The following TMEM181 variants were observed in gnomAD, a reference collection of about 807,000 sequenced individuals.
The protein encoded by TMEM181 is G protein-coupled receptor 178.
In TMEM181, 39 loss-of-function variants were observed where a neutral mutation model predicts 71.9. That is an observed-to-expected ratio of 0.54 (90% CI 0.42 to 0.71). TMEM181 has a LOEUF of 0.71. Ranked by LOEUF, TMEM181 falls within the 30% of genes least tolerant of loss-of-function variation. The probability of loss-of-function intolerance (pLI) is 0.00; values close to 1 mark genes in which losing one functional copy is unlikely to be tolerated. For missense variants in TMEM181, 595 were observed against 583.0 expected (o/e 1.02, Z -0.21); for synonymous variants, 245 against 228.8 (o/e 1.07, Z -0.64).
chr6:158,585,413 C>A lies in TMEM181; in HGVS notation c.369C>A (p.Leu123=). ...HNKVHNRTRT[L]TCAGKCAEII... ...AAGTTCACAACCGGACAAGGACCCT[C>A]ACATGTGCAGGGGTGAGTGTGTGGG... is the stretch of plus-strand genomic sequence containing the variant. Residue 123 remains leucine (L), a synonymous_variant, in exon 5 of 17, where the codon CTC becomes CTA. Coordinates refer to ENST00000684151, the MANE Select transcript of TMEM181 (RefSeq NM_001376852.1). The A allele has an allele frequency of 2.5e-6, 4 of 1,608,496 alleles. No homozygotes were observed. Among genetic ancestry groups the A allele is most frequent in the Non-Finnish European group, 3.4e-6 (4 of 1,178,090 alleles).
intron 13 of TMEM181, chr6:158,626,504 C>T (rs16900886): frequency 0.31 from 142,683 of 456,218 alleles, 24,218 homozygotes; most frequent in East Asian, 0.67. Context: ...GGGAGGTCAA[C>T]CCTTGTCCAA....
At chr6:158,561,637 C>T (rs1782184474) in intron 1 of TMEM181, among the ~76,000 whole-genome samples, 1 of 152,120 alleles carries the variant, frequency 6.6e-6, no homozygotes, top group Non-Finnish European at 1.5e-5. Context: ...CTGCCAGGGT[C>T]CTGCGCTGTT....
At chr6:158,595,725 G>A (rs1325412817) in intron 6 of TMEM181, among the ~76,000 whole-genome samples, 5 of 152,076 alleles carry the variant, frequency 3.3e-5, no homozygotes, top group Non-Finnish European at 5.9e-5. Context: ...TACAAAGACA[G>A]GCAAAATGAA....
intron 6 of TMEM181, among the ~76,000 whole-genome samples, chr6:158,594,807 C>A (rs144388277): frequency 0.046 from 6,983 of 152,264 alleles, 354 homozygotes; most frequent in East Asian, 0.14. Flanking sequence ...CCTGCCTCAG[C>A]CTCCTGAGTA....
intron 10 of TMEM181, chr6:158,611,597 G>C: frequency 2.7e-6 from 1 of 374,390 alleles, no homozygotes; most frequent in Admixed American, 3.6e-5. Context: ...CTTCTAGAAA[G>C]GGATTGGTAG....
At chr6:158,567,210 T>A (rs907233654) in intron 1 of TMEM181, among the ~76,000 whole-genome samples, 9 of 152,190 alleles carry the variant, frequency 5.9e-5, no homozygotes, top group African/African-American at 2.2e-4. Context: ...GAAGAGGCAG[T>A]GTTGAGAGCC....
chr6:158,542,594 G>A (rs1002950441), intron 1 of TMEM181, among the ~76,000 whole-genome samples: 1 of 152,056 alleles, frequency 6.6e-6, no homozygotes, highest in Admixed American at 6.6e-5. Context: ...ATACAGCAGA[G>A]TGTGGGTTTC....
chr6:158,573,434 G>A lies in TMEM181; in HGVS notation c.23G>A (p.Arg8Gln), dbSNP rs758002281. The A allele has an allele frequency of 5.5e-5, 87 of 1,583,136 alleles. No individual in the cohort carries two copies. Among genetic ancestry groups the A allele is most frequent in the Admixed American group, 7.3e-5 (4 of 55,030 alleles). MEPLAPM[R>Q]LYTLSKRHFV... Reference sequence around the variant, plus strand: ...TCTGCCCCCAGGCTGGCGCCCATGCGGCTCTACACGCTCTCCAAGCGCCAC... The same window carrying A: ...TCTGCCCCCAGGCTGGCGCCCATGCAGCTCTACACGCTCTCCAAGCGCCAC... Residue 8 changes from arginine to glutamine, a missense_variant, in exon 2 of 17, where the codon CGG becomes CAG. By Grantham distance (43) the Arg-to-Gln change is conservative (BLOSUM62 1). Transcript: ENST00000684151.
intron 1 of TMEM181, among the ~76,000 whole-genome samples, chr6:158,555,078 A>G (rs1483502075): frequency 5.3e-5 from 8 of 152,246 alleles, no homozygotes; most frequent in Non-Finnish European, 5.9e-5. Flanking sequence ...AAACTCTCCA[A>G]AGAGCCTTGA....
intron 1 of TMEM181, among the ~76,000 whole-genome samples, chr6:158,562,289 C>G (rs911567321): frequency 6.6e-6 from 1 of 152,146 alleles, no homozygotes; most frequent in Non-Finnish European, 1.5e-5. Context: ...ATGCTAGGGA[C>G]GGGAGAGGTG....
chr6:158,549,096 A>C (rs1781635949), intron 1 of TMEM181, among the ~76,000 whole-genome samples: 2 of 148,514 alleles, frequency 1.3e-5, no homozygotes. Context: ...AAATGAGGGA[A>C]AATGTGCACA....
intron 8 of TMEM181, among the ~76,000 whole-genome samples, chr6:158,607,648 T>A (rs1785025561): frequency 6.6e-6 from 1 of 152,200 alleles, no homozygotes; most frequent in Non-Finnish European, 1.5e-5. Context: ...CCAGCCTGGA[T>A]AACAGAGCAA....
chr6:158,578,782 A>G (rs1033832777), intron 2 of TMEM181, among the ~76,000 whole-genome samples: 1 of 152,268 alleles, frequency 6.6e-6, no homozygotes, highest in Non-Finnish European at 1.5e-5. Flanking sequence ...CCAATTAAAA[A>G]GCAGAGGTTG....
chr6:158,623,327 C>G (rs988258856), intron 10 of TMEM181, among the ~76,000 whole-genome samples: 2 of 152,068 alleles, frequency 1.3e-5, no homozygotes, highest in Non-Finnish European at 2.9e-5. Context: ...CTTTCCAATA[C>G]TGATAAATGT....
At chr6:158,578,410 A>G (rs555227885) in intron 2 of TMEM181, among the ~76,000 whole-genome samples, 24 of 152,324 alleles carry the variant, frequency 1.6e-4, no homozygotes, top group South Asian at 1.2e-3. Context: ...TAAAAAGCCA[A>G]CTATTACTGT....
intron 10 of TMEM181, among the ~76,000 whole-genome samples, chr6:158,619,300 G>T (rs992180972): frequency 6.6e-6 from 1 of 152,148 alleles, no homozygotes; most frequent in Non-Finnish European, 1.5e-5. Context: ...ACTGAAGCTT[G>T]TGCATGCGTC....
intron 6 of TMEM181, among the ~76,000 whole-genome samples, chr6:158,590,816 C>T (rs543626758): frequency 6.6e-6 from 1 of 152,364 alleles, no homozygotes; most frequent in South Asian, 2.1e-4. Flanking sequence ...TGTTCCAGAA[C>T]ATTTTCATTG....
chr6:158,623,954 G>C (rs926525688), intron 11 of TMEM181, among the ~76,000 whole-genome samples: 1 of 152,090 alleles, frequency 6.6e-6, no homozygotes, highest in Non-Finnish European at 1.5e-5. Flanking sequence ...AGAGATGGGG[G>C]TTTCACCATA....
rs562956165 is a variant in TMEM181 at position 158,631,348 on chromosome 6, C to T, written c.1308C>T (p.Ala436=). ...LYESQLKDNP[A]FSMLNDSDDD... ...AGTCCCAGCTGAAAGACAATCCTGC[C>T]TTCTCCATGCTGAATGACTCGGATG... Residue 436 remains alanine, a synonymous_variant, in exon 16 of 17, where the codon GCC becomes GCT. Coordinates refer to ENST00000684151, the MANE Select transcript of TMEM181 (RefSeq NM_001376852.1). The T allele has an allele frequency of 6.2e-7, 1 of 1,614,244 alleles. No homozygotes were observed. The highest frequency in any genetic ancestry group is 1.3e-5 in the African/African-American group (1 of 75,068).
Sources: gnomAD v4.1 joint callset for allele counts (sites outside exome capture counted in the v4.1 genomes callset) on GRCh38, gnomAD v4.1.1 for gene constraint, MANE v1.5 for transcripts, NCBI Gene and HGNC (gene_info 2026-07-23, HGNC 2026-07-21) for gene names.